The following HFM1 variants were observed in gnomAD, a reference collection of about 807,000 sequenced individuals.
HFM1 encodes the protein probable ATP-dependent DNA helicase HFM1.
Under a neutral mutation model 192.1 loss-of-function variants are expected in HFM1, and 169 were observed. The ratio of observed to expected loss-of-function variants is 0.88; its 90% CI spans 0.78 to 1.00. HFM1 has a LOEUF of 1.00. Ranked by LOEUF, HFM1 falls within the 50% of genes least tolerant of loss-of-function variation. The pLI is 0.00. For synonymous variants in HFM1, 525 were observed against 537.8 expected, an observed-to-expected ratio of 0.98 and a Z score of 0.33; for missense variants, 1,661 against 1,668.0, an observed-to-expected ratio of 1.00 and a Z score of 0.07.
At chr1:91,324,597 T>C in intron 21 of HFM1, 78 bp downstream of exon 21, 1 of 695,342 alleles carries the variant, frequency 1.4e-6, no homozygotes, top group East Asian at 2.7e-5. Context: ...TTATATGAGA[T>C]ACACAAATTA....
intron 13 of HFM1, among the ~76,000 whole-genome samples, chr1:91,367,043 G>A (rs1453502974): frequency 3.9e-5 from 6 of 152,196 alleles, no homozygotes; most frequent in Non-Finnish European, 5.9e-5. Context: ...ACTGCAAGGC[G>A]GCAGTGAGGC....
intron 6 of HFM1, among the ~76,000 whole-genome samples, chr1:91,382,144 T>G (rs1661623810): frequency 6.6e-6 from 1 of 152,112 alleles, no homozygotes; most frequent in Non-Finnish European, 1.5e-5. Flanking sequence ...CCTAGACTGT[T>G]ATTCCTTCCA....
chr1:91,336,653 C>A lies in HFM1; in HGVS notation c.2335+6777G>T, dbSNP rs149599411. On this transcript the variant is annotated intron_variant, in intron 20 of 38. Transcript: ENST00000370425. ...TGGTGGGAGTGTAAATAAGTTCAACCACTGCGGAAGACAGTGTGGCAATTC... is the reference window on the plus strand; with the variant it reads ...TGGTGGGAGTGTAAATAAGTTCAACAACTGCGGAAGACAGTGTGGCAATTC... Among the ~76,000 whole-genome samples the A allele has an allele frequency of 1.4e-3, 216 of 152,284 alleles. 3 individuals are homozygous for A. In the East Asian group the frequency reaches 0.022, roughly 16 times the overall value.
At chr1:91,347,368 A>G in intron 19 of HFM1, 61 bp downstream of exon 19, 2 of 909,050 alleles carry the variant, frequency 2.2e-6, no homozygotes, top group South Asian at 2.0e-5. Context: ...TACTTTCACA[A>G]TAACTGAACT....
intron 25 of HFM1, among the ~76,000 whole-genome samples, chr1:91,317,132 C>T (rs189593487): frequency 1.6e-3 from 251 of 152,142 alleles, no homozygotes; most frequent in Non-Finnish European, 2.8e-3. Flanking sequence ...ACATCAAATT[C>T]GGTTGGGCCC....
chr1:91,334,016 A>G (rs188963594), intron 20 of HFM1, among the ~76,000 whole-genome samples: 1 of 152,330 alleles, frequency 6.6e-6, no homozygotes, highest in African/African-American at 2.4e-5. Flanking sequence ...ATGGATCTTG[A>G]GAAGGGTTTT....
At chr1:91,328,853 G>A (rs559872376) in intron 20 of HFM1, 777 of 1,610,882 alleles carry the variant, frequency 4.8e-4, no homozygotes, top group East Asian at 1.4e-3. Context: ...TGCACCCATC[G>A]AGGCAGAGGC....
intron 4 of HFM1, among the ~76,000 whole-genome samples, 168 bp downstream of exon 4, chr1:91,393,925 T>C (rs1663314499): frequency 6.6e-6 from 1 of 152,098 alleles, no homozygotes; most frequent in Admixed American, 6.6e-5. Flanking sequence ...GTTATTTTTA[T>C]GTGTAGGACC....
At chr1:91,364,632 A>ATATATATATATATTTTTT (rs753472335) in intron 13 of HFM1, among the ~76,000 whole-genome samples, 3 of 66,784 alleles carry the variant, frequency 4.5e-5, no homozygotes, top group African/African-American at 1.9e-4. Flanking sequence ...ATATATATAT[A>ATATATATATATATTTTTT]TTTTTTTTTT....
At chr1:91,402,115 T>C (rs899475315) in intron 1 of HFM1, among the ~76,000 whole-genome samples, 2 of 152,304 alleles carry the variant, frequency 1.3e-5, no homozygotes, top group Non-Finnish European at 1.5e-5. Context: ...AAATTTGTCC[T>C]CAAGATAGAA....
At chr1:91,393,206 C>G (rs1210273757) in intron 4 of HFM1, among the ~76,000 whole-genome samples, 1 of 152,140 alleles carries the variant, frequency 6.6e-6, no homozygotes, top group African/African-American at 2.4e-5. Context: ...TACCATTATT[C>G]TAATTAGACT....
chr1:91,400,047 T>C (rs1458832066), intron 2 of HFM1, among the ~76,000 whole-genome samples: 4 of 152,238 alleles, frequency 2.6e-5, no homozygotes, highest in African/African-American at 7.2e-5. Context: ...TTAAGTACTT[T>C]GTAAGTAAAA....
rs199798460 is a variant in HFM1 at position 91,298,894 on chromosome 1, A to C, written c.3391+14455T>G. Among the ~76,000 whole-genome samples the C allele has an allele frequency of 1.4e-3, 217 of 152,328 alleles. 3 individuals carry two copies. In the East Asian group the frequency reaches 0.022, roughly 16 times the overall value. ...AACTGCATCCACTAATGAGCAAAAT[A>C]ACCAGCTAACATCATAATGACAGGA... On this transcript the variant is annotated intron_variant, in intron 30 of 38. Transcript: ENST00000370425.
At chr1:91,310,603 G>A (rs1050540499) in intron 30 of HFM1, among the ~76,000 whole-genome samples, 1 of 152,204 alleles carries the variant, frequency 6.6e-6, no homozygotes, top group Non-Finnish European at 1.5e-5. Flanking sequence ...GTATCTCCCA[G>A]AATTCCCACG....
intron 30 of HFM1, among the ~76,000 whole-genome samples, chr1:91,277,867 A>G (rs1387677846): frequency 8.6e-6 from 1 of 116,648 alleles, no homozygotes; most frequent in African/African-American, 3.4e-5. Flanking sequence ...TATACTTTAT[A>G]TATATAATAT....
At chr1:91,368,842 T>C (rs918690432) in intron 13 of HFM1, among the ~76,000 whole-genome samples, 2 of 152,094 alleles carry the variant, frequency 1.3e-5, no homozygotes, top group African/African-American at 2.4e-5. Flanking sequence ...GTGTGCTGTA[T>C]TCAGGAAACC....
chr1:91,318,294 G>C (rs906413905), intron 25 of HFM1, among the ~76,000 whole-genome samples: 3 of 152,028 alleles, frequency 2.0e-5, no homozygotes, highest in African/African-American at 7.3e-5. Flanking sequence ...AGATACAAAA[G>C]GTAGGTCTTC....
intron 20 of HFM1, among the ~76,000 whole-genome samples, chr1:91,336,944 G>C (rs1654665278): frequency 6.6e-6 from 1 of 152,200 alleles, no homozygotes; most frequent in Non-Finnish European, 1.5e-5. Flanking sequence ...AATGGATGGA[G>C]CTGGAAGCCG....
intron 13 of HFM1, among the ~76,000 whole-genome samples, chr1:91,371,324 C>G (rs1571148828): frequency 1.5e-5 from 2 of 135,504 alleles, no homozygotes; most frequent in Non-Finnish European, 3.1e-5. Flanking sequence ...AGGCATCACA[C>G]TACCTGACTT....
Sources: gnomAD v4.1 joint callset for allele counts (sites outside exome capture counted in the v4.1 genomes callset) on GRCh38, gnomAD v4.1.1 for gene constraint, MANE v1.5 for transcripts, NCBI Gene and HGNC (gene_info 2026-07-23, HGNC 2026-07-21) for gene names.